ATRNL1: variants seen among roughly 807,000 people sequenced by gnomAD.
ATRNL1 encodes attractin like 1, also known as attractin-like protein 1.
In ATRNL1, 95 loss-of-function variants were observed where a neutral mutation model predicts 182.7. The ratio of observed to expected loss-of-function variants is 0.52; its 90% CI spans 0.44 to 0.62. The LOEUF is 0.62. ATRNL1 is among the 20% of genes least tolerant of loss of function. The probability of loss-of-function intolerance (pLI) is 0.00; values close to 1 mark genes in which losing one functional copy is unlikely to be tolerated. For missense variants in ATRNL1, 1,471 were observed against 1,679.5 expected, an observed-to-expected ratio of 0.88 and a Z score of 2.17; for synonymous variants, 576 against 568.3, an observed-to-expected ratio of 1.01 and a Z score of -0.19.
At chr10:115,380,398 A>G (rs1200610692) in intron 19 of ATRNL1, among the ~76,000 whole-genome samples, 4 of 152,194 alleles carry the variant, frequency 2.6e-5, no homozygotes, top group African/African-American at 9.6e-5. Flanking sequence ...ATTTGAAAGT[A>G]TACAATTCAG....
intron 27 of ATRNL1, among the ~76,000 whole-genome samples, chr10:115,783,328 A>C (rs1949315333): frequency 6.6e-6 from 1 of 152,198 alleles, no homozygotes; most frequent in Non-Finnish European, 1.5e-5. Flanking sequence ...TAGACTGATA[A>C]AAATCCGTAG....
intron 27 of ATRNL1, among the ~76,000 whole-genome samples, chr10:115,770,103 A>C (rs2134164205): frequency 6.6e-6 from 1 of 152,056 alleles, no homozygotes; most frequent in African/African-American, 2.4e-5. Flanking sequence ...GTTTCAGAAA[A>C]CCTGGGTCTA....
rs1223695295 is a variant in ATRNL1 at position 115,223,929 on chromosome 10, AT to A, written c.1532+8069del. Among the ~76,000 whole-genome samples, 285 of 44,728 alleles carry A rather than the reference AT, an allele frequency of 6.4e-3. 5 individuals are homozygous for A. The highest frequency in any genetic ancestry group is 0.03 in the South Asian group (38 of 1,276). The allele number at this position is 44,728 out of a possible 152,430, so 29.3% of individuals were successfully genotyped here. On this transcript the variant is annotated intron_variant, in intron 9 of 28. Coordinates refer to ENST00000355044, the MANE Select transcript of ATRNL1 (RefSeq NM_207303.4). ...TGTGTGTGTGTATATATATATATAT[AT>A]TTTTTTTTTTTTTTTTTTTCTTTGA...
At chr10:115,170,783 A>G (rs566319595) in intron 7 of ATRNL1, among the ~76,000 whole-genome samples, 84 of 152,214 alleles carry the variant, frequency 5.5e-4, no homozygotes, top group African/African-American at 1.9e-3. Flanking sequence ...TTAATTGACT[A>G]CATAATGTGA....
intron 24 of ATRNL1, among the ~76,000 whole-genome samples, chr10:115,500,188 T>C (rs1399371713): frequency 2.0e-5 from 3 of 152,184 alleles, no homozygotes; most frequent in Non-Finnish European, 2.9e-5. Flanking sequence ...TGTATGTAAA[T>C]AGATTGCTGT....
chr10:115,212,537 A>G (rs782629158), intron 8 of ATRNL1, among the ~76,000 whole-genome samples: 8 of 152,080 alleles, frequency 5.3e-5, no homozygotes, highest in Non-Finnish European at 1.0e-4. Context: ...ATTCTATTAT[A>G]AAGACACATG....
intron 1 of ATRNL1, among the ~76,000 whole-genome samples, chr10:115,117,016 T>C (rs1844516111): frequency 1.3e-5 from 2 of 152,068 alleles, no homozygotes; most frequent in Non-Finnish European, 2.9e-5. Flanking sequence ...TAAGGATTAC[T>C]ATGGTAGCTC....
rs1852244463 is a variant in ATRNL1 at position 115,539,766 on chromosome 10, G to A, written c.3717-9692G>A. 2.0e-5 allele frequency among the ~76,000 whole-genome samples: 3 copies of A among 152,060 alleles called. No homozygotes were observed. The South Asian group carries it at 6.2e-4, about 32-fold the overall frequency. On this transcript the variant is annotated intron_variant, in intron 25 of 28. Coordinates refer to ENST00000355044, the MANE Select transcript of ATRNL1 (RefSeq NM_207303.4). ...AAGCAGTAAGAACCACAATCCCAAG[G>A]GAAGGGAATATTCCTCTAATCATAG...
chr10:115,231,468 TATAAG>T (rs1849949198), intron 9 of ATRNL1, among the ~76,000 whole-genome samples: 1 of 152,002 alleles, frequency 6.6e-6, no homozygotes, highest in East Asian at 1.9e-4. Flanking sequence ...TTTGAGGAGT[TATAAG>T]GAAAGGAAAG....
chr10:115,901,969 G>A (rs1050662852), intron 28 of ATRNL1, among the ~76,000 whole-genome samples: 21 of 152,050 alleles, frequency 1.4e-4, no homozygotes, highest in African/African-American at 5.1e-4. Flanking sequence ...GCACCTTATA[G>A]GGCGCAAAAT....
chr10:115,275,413 C>T (rs7082592), intron 13 of ATRNL1, among the ~76,000 whole-genome samples: 1,787 of 152,250 alleles, frequency 0.012, 32 homozygotes, highest in African/African-American at 0.04. Flanking sequence ...CAGTGCATAG[C>T]TAGGATTTAG....
intron 24 of ATRNL1, among the ~76,000 whole-genome samples, chr10:115,483,779 C>G (rs1554974625): frequency 6.6e-6 from 1 of 151,510 alleles, no homozygotes; most frequent in African/African-American, 2.4e-5. Flanking sequence ...ATTTTTAAAG[C>G]ATTTTATATG....
chr10:115,401,103 CT>C (rs1383552089), intron 20 of ATRNL1, among the ~76,000 whole-genome samples: 5 of 151,962 alleles, frequency 3.3e-5, no homozygotes, highest in South Asian at 2.1e-4. Context: ...ATAGCACCCC[CT>C]AGAACTTCAT....
chr10:115,840,151 C>T (rs1950769953), intron 27 of ATRNL1, among the ~76,000 whole-genome samples: 1 of 151,998 alleles, frequency 6.6e-6, no homozygotes, highest in Non-Finnish European at 1.5e-5. Flanking sequence ...CAGCAGGGAA[C>T]AAAAATGGGA....
intron 8 of ATRNL1, among the ~76,000 whole-genome samples, chr10:115,212,006 A>T (rs1456306660): frequency 3.3e-5 from 5 of 150,898 alleles, no homozygotes; most frequent in South Asian, 2.1e-4. Flanking sequence ...TTTATTTTTA[A>T]TTTTTTGTTT....
intron 5 of ATRNL1, among the ~76,000 whole-genome samples, chr10:115,143,240 T>G (rs1845823167): frequency 6.6e-6 from 1 of 152,188 alleles, no homozygotes; most frequent in Non-Finnish European, 1.5e-5. Context: ...TAAGCTTGCC[T>G]TATGTTGAAC....
intron 28 of ATRNL1, among the ~76,000 whole-genome samples, chr10:115,851,594 T>G (rs537403335): frequency 2.2e-4 from 33 of 152,098 alleles, no homozygotes; most frequent in Non-Finnish European, 3.8e-4. Context: ...TATAATAAAT[T>G]TAGGTGCTTG....
At chr10:115,887,769 A>C (rs1951983548) in intron 28 of ATRNL1, among the ~76,000 whole-genome samples, 1 of 147,280 alleles carries the variant, frequency 6.8e-6, no homozygotes. Context: ...CCTCTACTTT[A>C]CCCCCCATAT....
chr10:115,803,693 A>G (rs573394031), intron 27 of ATRNL1, among the ~76,000 whole-genome samples: 8 of 152,204 alleles, frequency 5.3e-5, no homozygotes, highest in African/African-American at 1.9e-4. Context: ...TGAAATTCTC[A>G]CTATAGGCCA....
Sources: gnomAD v4.1 joint callset for allele counts (sites outside exome capture counted in the v4.1 genomes callset) on GRCh38, gnomAD v4.1.1 for gene constraint, MANE v1.5 for transcripts, NCBI Gene and HGNC (gene_info 2026-07-23, HGNC 2026-07-21) for gene names.